The following DSG2 variants were observed in gnomAD, a reference collection of about 807,000 sequenced individuals.
DSG2 encodes the protein desmoglein-2.
In DSG2, 45 loss-of-function variants were observed where a neutral mutation model predicts 75.6. The observed-to-expected ratio is 0.60, with a 90% CI of 0.47 to 0.76. The LOEUF is 0.76. Ranked by LOEUF, DSG2 falls within the 30% of genes least tolerant of loss-of-function variation. DSG2 has a pLI of 0.00. For missense variants in DSG2, 1,267 were observed against 1,357.4 expected (o/e 0.93, Z 1.05); for synonymous variants, 429 against 483.9 (o/e 0.89, Z 1.49).
chr18:31,540,331 C>T (rs1183469775), intron 12 of DSG2, among the ~76,000 whole-genome samples: 1 of 152,164 alleles, frequency 6.6e-6, no homozygotes, highest in Non-Finnish European at 1.5e-5. Context: ...ACCATCATCT[C>T]CATGCTATGG....
intron 1 of DSG2, among the ~76,000 whole-genome samples, chr18:31,514,665 A>G (rs908448105): frequency 3.3e-5 from 5 of 152,220 alleles, no homozygotes; most frequent in Non-Finnish European, 7.3e-5. Flanking sequence ...CTTGTTAGAA[A>G]TGCAAAGTGT....
Position 31,536,427 on chromosome 18 carries a change from A to G in DSG2, c.1649A>G (p.Glu550Gly), listed in dbSNP as rs2144342065. Reference sequence around the variant, plus strand: ...GAAAAATGGAAAATAGCACGCCAAGAAAGTAAGCAAAATCACTGGACTACA... The same window carrying G: ...GAAAAATGGAAAATAGCACGCCAAGGAAGTAAGCAAAATCACTGGACTACA... Reference protein sequence around the residue: ...MAEKWKIARQESTSVLLQQSE... With the variant: ...MAEKWKIARQGSTSVLLQQSE... Residue 550 changes from glutamate to glycine, a missense_variant and splice_region_variant, in exon 11 of 15, where the codon GAA becomes GGA. Transcript: ENST00000261590. 1 of 1,612,664 alleles carries G rather than the reference A, an allele frequency of 6.2e-7. No homozygotes were observed. The highest frequency in any genetic ancestry group is 1.6e-4 in the Middle Eastern group (1 of 6,062).
intron 8 of DSG2, among the ~76,000 whole-genome samples, chr18:31,527,394 A>G (rs1436209224): frequency 6.6e-6 from 1 of 152,210 alleles, no homozygotes; most frequent in Admixed American, 6.5e-5. Flanking sequence ...GCAATGCATG[A>G]CTGTATTTTT....
rs559128617 is a variant in DSG2, at chr18:31,527,538, G to A, written c.1014+2650G>A. Among the ~76,000 whole-genome samples the A allele has an allele frequency of 2.5e-4, 38 of 152,318 alleles. 1 individual carries two copies. The South Asian group carries it at 7.7e-3, about 31-fold the overall frequency. The stretch of plus-strand genomic sequence containing the variant: ...ATTACAAAGTCATTGTCTCAATTAT[G>A]TAATGAATTGCTTCCAAATTATAAG... On this transcript the variant is annotated intron_variant, in intron 8 of 14. Coordinates refer to ENST00000261590, the MANE Select transcript of DSG2 (RefSeq NM_001943.5).
At chr18:31,498,412 T>C in intron 1 of DSG2, 116 bp downstream of exon 1, 1 of 1,116,742 alleles carries the variant, frequency 9.0e-7, no homozygotes, top group Non-Finnish European at 1.1e-6. Flanking sequence ...TGCCCGGCGC[T>C]CCTTCCTGCT....
chr18:31,532,903 G>A (rs555465945), intron 9 of DSG2, among the ~76,000 whole-genome samples: 3,622 of 141,726 alleles, frequency 0.026, 117 homozygotes, highest in African/African-American at 0.075. Context: ...ACTTTTGGCT[G>A]CTGTTTTGTT....
Position 31,542,738 on chromosome 18 carries a change from G to C in DSG2, c.2220G>C (p.Met740Ile), listed in dbSNP as rs1441469842. Residue 740 changes from methionine to isoleucine, a missense_variant, in exon 14 of 15, where the codon ATG (methionine) becomes ATC (isoleucine). Transcript: ENST00000261590. Reference sequence around the variant, plus strand: ...TTACAGGGGCCACAGGCGCTATCATGACCACTGAAACCACGAAGACCGCAA... The same window carrying C: ...TTACAGGGGCCACAGGCGCTATCATCACCACTGAAACCACGAAGACCGCAA... The part of the protein sequence containing the change: ...TQFTGATGAI[M>I]TTETTKTARA... The C allele has an allele frequency of 6.2e-7, 1 of 1,614,160 alleles. No homozygotes were observed. The highest frequency in any genetic ancestry group is 8.5e-7 in the Non-Finnish European group (1 of 1,180,024).
At chr18:31,517,321 T>C (rs2073099817) in intron 1 of DSG2, among the ~76,000 whole-genome samples, 1 of 152,122 alleles carries the variant, frequency 6.6e-6, no homozygotes, top group Non-Finnish European at 1.5e-5. Context: ...AAATATATGG[T>C]TTGATAGAAG....
intron 13 of DSG2, 115 bp downstream of exon 13, chr18:31,541,429 T>C: frequency 3.7e-6 from 5 of 1,342,728 alleles, no homozygotes; most frequent in Non-Finnish European, 4.1e-6. Flanking sequence ...TGGATTTCAC[T>C]CATGTGCCTT....
intron 1 of DSG2, among the ~76,000 whole-genome samples, chr18:31,502,488 G>A (rs1033799450): frequency 6.6e-6 from 1 of 152,318 alleles, no homozygotes; most frequent in African/African-American, 2.4e-5. Context: ...AGTGGCTCAC[G>A]CCTGTAATCC....
intron 1 of DSG2, among the ~76,000 whole-genome samples, chr18:31,505,695 C>G (rs1254407913): frequency 5.0e-5 from 7 of 138,930 alleles, no homozygotes; most frequent in African/African-American, 1.9e-4. Context: ...TGGAGTCTCT[C>G]TCTTTCACCA....
At position 31,546,561 on chromosome 18, in the gene DSG2, T is replaced by A. The variant is rs201786158; in HGVS notation, c.3175T>A (p.Ser1059Thr). Residue 1059 changes from serine (S) to threonine (T), a missense_variant, in exon 15 of 15, where the codon TCC becomes ACC. Ser to Thr is a moderately conservative substitution (Grantham distance 58). Coordinates refer to ENST00000261590, the MANE Select transcript of DSG2 (RefSeq NM_001943.5). ...RVLAPASTLQ[S>T]SYQIPTENSM... ...TCTAGCACCTGCTTCCACTCTGCAA[T>A]CCAGTTACCAGATTCCCACTGAAAA... The A allele has an allele frequency of 1.4e-4, 223 of 1,614,132 alleles. No homozygotes were observed. In the South Asian group the frequency reaches 2.2e-3, roughly 16 times the overall value.
rs753052874 is a variant in DSG2 at position 31,520,941 on chromosome 18, C to T, written c.355C>T (p.Arg119Ter). The change falls in exon 4 of 15, where the codon CGA becomes TGA. Residue 119 changes from arginine to a stop codon, truncating the protein, a stop_gained. Transcript: ENST00000261590. LOFTEE classifies it high-confidence loss of function. The stretch of plus-strand genomic sequence containing the variant: ...ACTGAATGTTACCAGCATTCTTGAT[C>T]GAGAAGAAACACCATTTTTTCTGGT... Reference protein sequence around the residue: ...GELNVTSILDREETPFFLLTG... With the variant: ...GELNVTSILD 15 of 1,613,470 alleles carry T rather than the reference C, an allele frequency of 9.3e-6. No homozygotes were observed. In the East Asian group the frequency reaches 2.0e-4, roughly 22 times the overall value.
At chr18:31,518,180 T>A in intron 1 of DSG2, 59 bp from the exon 2 acceptor site, 5 of 1,335,496 alleles carry the variant, frequency 3.7e-6, no homozygotes, top group Non-Finnish European at 5.4e-6. Flanking sequence ...TCATGAACAA[T>A]GTTTTCACAC....
intron 3 of DSG2, 129 bp downstream of exon 3, chr18:31,520,066 A>G: frequency 2.5e-6 from 3 of 1,197,736 alleles, no homozygotes; most frequent in Non-Finnish European, 1.2e-6. Flanking sequence ...TATTCAAGAT[A>G]TATCTGAAAA....
intron 1 of DSG2, among the ~76,000 whole-genome samples, chr18:31,514,805 C>T (rs8093479): frequency 0.041 from 6,296 of 152,246 alleles, 468 homozygotes; most frequent in African/African-American, 0.14. Context: ...GAGCAAATCA[C>T]ATCTAGAAAG....
rs377489202 is a variant in DSG2, at chr18:31,546,460, C to T, written c.3074C>T (p.Pro1025Leu). The T allele has an allele frequency of 1.2e-6, 2 of 1,613,980 alleles. No individual in the cohort carries two copies. Among genetic ancestry groups the T allele is most frequent in the African/African-American group, 1.3e-5 (1 of 74,894 alleles). Residue 1025 changes from proline to leucine, a missense_variant, in exon 15 of 15, where the codon CCC becomes CTC. Physicochemically the swap from Pro to Leu is moderately conservative, Grantham distance 98 (BLOSUM62 -3). Coordinates refer to ENST00000261590, the MANE Select transcript of DSG2 (RefSeq NM_001943.5). ...MVRERESFLA[P>L]SSGVQPTLAM... ...AGGGAAAGAGAGAGCTTCCTTGCCC[C>T]CAGCTCAGGTGTGCAGCCTACTCTG... is the stretch of plus-strand genomic sequence containing the variant.
intron 1 of DSG2, among the ~76,000 whole-genome samples, chr18:31,502,935 A>G (rs953821051): frequency 6.6e-6 from 1 of 152,240 alleles, no homozygotes; most frequent in Non-Finnish European, 1.5e-5. Flanking sequence ...ACAATTTATA[A>G]ACATATAGTC....
chr18:31,498,683 C>T (rs1267371123), intron 1 of DSG2, among the ~76,000 whole-genome samples: 1 of 152,100 alleles, frequency 6.6e-6, no homozygotes, highest in East Asian at 1.9e-4. Flanking sequence ...GGAACAACCT[C>T]GCGCTTCTTC....
Sources: allele counts gnomAD v4.1 joint callset (sites outside exome capture counted in the v4.1 genomes callset), GRCh38; gene constraint gnomAD v4.1.1; transcripts MANE v1.5; gene names NCBI Gene and HGNC (gene_info 2026-07-23, HGNC 2026-07-21).